The following CISH variants were observed in gnomAD, a reference collection of about 807,000 sequenced individuals.
CISH encodes the protein cytokine inducible SH2 containing protein.
CISH carries 11 observed loss-of-function variants against 21.3 expected under a neutral mutation model. The ratio of observed to expected loss-of-function variants is 0.52; its 90% CI spans 0.32 to 0.85. The LOEUF (loss-of-function observed/expected upper bound fraction) is 0.85. Ranked by LOEUF, CISH falls within the 40% of genes least tolerant of loss-of-function variation. CISH has a pLI of 0.03. For synonymous variants in CISH, 118 were observed against 142.3 expected (o/e 0.83, Z 1.22); for missense variants, 280 against 351.7 (o/e 0.80, Z 1.63).
In CISH at chr3:50,607,542, C is replaced by T; in HGVS notation, c.*65G>A. 1.3e-6 allele frequency: 2 copies of T among 1,514,752 alleles called. No homozygotes were observed. The highest frequency in any genetic ancestry group is 2.5e-5 in the South Asian group (2 of 79,992). The allele number at this position is 1,514,752 out of a possible 1,614,324, so 93.8% of individuals were successfully genotyped here. ...GAGGAGGGACAGTGGGGGCCCAAGT[C>T]CAGCTGGGGCTGATGTCCCCTCCAG... On this transcript the variant is annotated 3_prime_UTR_variant, in exon 3 of 3. Transcript: ENST00000348721.
chr3:50,610,669 G>GAAAAA (rs2032297199), intron 1 of CISH: 2 of 1,404,428 alleles, frequency 1.4e-6, no homozygotes, highest in Non-Finnish European at 1.9e-6. Flanking sequence ...CAGCAAGGGA[G>GAAAAA]AAGTAGTCTT....
At chr3:50,609,552 G>A in intron 1 of CISH, 1 of 152,212 alleles carries the variant, frequency 6.6e-6, no homozygotes, top group East Asian at 1.9e-4. Flanking sequence ...CCTAGGGGAA[G>A]CCCACCCAGC....
chr3:50,610,177 G>C (rs1011245911), intron 1 of CISH: 2 of 619,526 alleles, frequency 3.2e-6, no homozygotes, highest in African/African-American at 1.8e-5. Context: ...CCTGCTTGCT[G>C]GGGCCCAGAG....
chr3:50,608,821 A>T, intron 1 of CISH: 1 of 432,506 alleles, frequency 2.3e-6, no homozygotes, highest in Non-Finnish European at 4.1e-6. Context: ...CTTTTGAAAG[A>T]TTCTTTTCCA....
At chr3:50,610,646 A>T in intron 1 of CISH, 1 of 1,425,580 alleles carries the variant, frequency 7.0e-7, no homozygotes, top group Non-Finnish European at 9.2e-7. Flanking sequence ...AGGAGGAAGG[A>T]ACTTGCTGGA....
At position 50,607,217 on chromosome 3, in the gene CISH, AG is replaced by A. The variant is rs2032176517; in HGVS notation, c.*389del. The A allele has an allele frequency of 4.3e-6, 1 of 229,926 alleles. No homozygotes were observed. The highest frequency in any genetic ancestry group is 2.2e-5 in the African/African-American group (1 of 45,058). The allele number at this position is 229,926 out of a possible 1,614,324, so 14.2% of individuals were successfully genotyped here. On this transcript the variant is annotated 3_prime_UTR_variant, in exon 3 of 3. Coordinates refer to ENST00000348721, the MANE Select transcript of CISH (RefSeq NM_145071.4). ...CTGCATGTCATCCTCCCAGAAACAG[AG>A]GCTGGCTGCCAGTAGGGGTCCTACC...
At chr3:50,608,771 AT>A in intron 1 of CISH, 178 bp from the exon 2 acceptor site, 1 of 433,330 alleles carries the variant, frequency 2.3e-6, no homozygotes, top group Non-Finnish European at 4.0e-6. Flanking sequence ...CCCACTTGTC[AT>A]CACAAAAGCC....
At position 50,608,539 on chromosome 3, in the gene CISH, C is replaced by CA; in HGVS notation, c.74_75insT (p.Ser26ValfsTer32). On this transcript the variant is annotated frameshift_variant, in exon 2 of 3. Transcript: ENST00000348721. LOFTEE classifies it high-confidence loss of function. ...TGACTGGCTTGGGCAGTTCCAGGGA[C>CA]GGGGCCCACAGGGGCCGCTGCCCAG... 9 of 1,598,550 alleles carry CA rather than the reference C, an allele frequency of 5.6e-6. No individual in the cohort carries two copies. The highest frequency in any genetic ancestry group is 7.7e-6 in the Non-Finnish European group (9 of 1,173,040).
chr3:50,607,385 A>G lies in CISH; in HGVS notation c.*222T>C, dbSNP rs2032184476. On this transcript the variant is annotated 3_prime_UTR_variant, in exon 3 of 3. Transcript: ENST00000348721. ...CTCCCCATCCTCTGACACATGGCTC[A>G]GTATAATGAAGCCACATGCGGCCTG... The G allele has an allele frequency of 1.7e-6, 1 of 577,826 alleles. No individual in the cohort carries two copies. The highest frequency in any genetic ancestry group is 2.9e-5 in the East Asian group (1 of 35,054). 35.8% of individuals were successfully genotyped at this position (577,826 alleles called of 1,614,324 possible).
Position 50,607,687 on chromosome 3 carries a change from G to A in CISH, c.697C>T (p.Arg233Cys), listed in dbSNP as rs371376746. The A allele has an allele frequency of 1.1e-5, 17 of 1,613,660 alleles. No individual in the cohort carries two copies. The highest frequency in any genetic ancestry group is 1.6e-4 in the Middle Eastern group (1 of 6,082). ...AGGCAGTCCACGTCGGCCACCAGAC[G>A]GTTGATGACAAGGCGGCACAGGTGT... ...LQHLCRLVIN[R>C]LVADVDCLPL... The change falls in exon 3 of 3, where the codon CGT (arginine) becomes TGT (cysteine). Residue 233 changes from arginine to cysteine, a missense_variant. Physicochemically the swap from Arg to Cys is radical, Grantham distance 180 (BLOSUM62 -3). Transcript: ENST00000348721.
chr3:50,610,360 GGTGA>G, intron 1 of CISH: 1 of 1,551,328 alleles, frequency 6.4e-7, no homozygotes. Flanking sequence ...ACAAGCTCCT[GGTGA>G]GTGTGTACCT....
intron 1 of CISH, chr3:50,610,547 A>G (rs2032293489): frequency 1.3e-6 from 2 of 1,532,130 alleles, no homozygotes; most frequent in Admixed American, 4.0e-5. Context: ...AAAAAGTGAA[A>G]GAGGCTATGG....
Position 50,606,813 on chromosome 3 carries a change from G to A in CISH, c.*794C>T, listed in dbSNP as rs1372523797. 1 of 152,332 alleles carries A rather than the reference G, an allele frequency of 6.6e-6. No individual in the cohort carries two copies. The highest frequency in any genetic ancestry group is 6.5e-5 in the Admixed American group (1 of 15,294). The allele number at this position is 152,332 out of a possible 1,614,324, so 9.4% of individuals were successfully genotyped here. A position where few individuals can be genotyped will look rare whatever the true frequency, so the allele number is the denominator to read the frequency against. ...ATACAGCTCTGTCCTGTGAGGGGGT[G>A]AGACACAGGCTCTGCTGGGGACTGA... On this transcript the variant is annotated 3_prime_UTR_variant, in exon 3 of 3. Transcript: ENST00000348721.
At chr3:50,611,592 C>G (rs1352361549) in intron 1 of CISH, 39 bp downstream of exon 1, 2 of 1,522,812 alleles carry the variant, frequency 1.3e-6, no homozygotes, top group East Asian at 5.5e-5. Flanking sequence ...CCGTGCGCCC[C>G]TCGTGGTGGC....
chr3:50,610,969 C>T (rs2032307194), intron 1 of CISH: 2 of 992,994 alleles, frequency 2.0e-6, no homozygotes, highest in African/African-American at 1.7e-5. Flanking sequence ...CTGTCCCTTA[C>T]CTCAAGTCTG....
At chr3:50,610,601 G>C in intron 1 of CISH, 1 of 1,471,840 alleles carries the variant, frequency 6.8e-7, no homozygotes, top group Non-Finnish European at 9.0e-7. Flanking sequence ...GAAGGCAGTG[G>C]TGGGGCAGGT....
In CISH at chr3:50,607,617, A is replaced by C. The variant is rs768974999; in HGVS notation, c.767T>G (p.Phe256Cys). Residue 256 changes from phenylalanine (F) to cysteine (C), a missense_variant, in exon 3 of 3, where the codon TTC becomes TGC. By Grantham distance (205) the Phe-to-Cys change is radical (BLOSUM62 -2). Transcript: ENST00000348721. ...RMADYLRQYP[F>C]QL is the part of the protein sequence containing the mutation. Reference sequence around the variant, plus strand: ...GATTGCCCCGTACAGTCAGAGCTGGAAGGGGTACTGTCGGAGGTAGTCGGC... The same window carrying C: ...GATTGCCCCGTACAGTCAGAGCTGGCAGGGGTACTGTCGGAGGTAGTCGGC... 28 of 1,611,646 alleles carry C rather than the reference A, an allele frequency of 1.7e-5. No homozygotes were observed. The highest frequency in any genetic ancestry group is 5.9e-6 in the Non-Finnish European group (7 of 1,179,010).
intron 1 of CISH, chr3:50,610,696 C>T (rs1261781247): frequency 5.2e-6 from 7 of 1,355,442 alleles, no homozygotes; most frequent in South Asian, 1.6e-5. Context: ...ACCTCCATGT[C>T]CTCTTCCTTG....
intron 1 of CISH, chr3:50,610,995 A>T (rs2032307867): frequency 3.0e-6 from 3 of 991,604 alleles, no homozygotes; most frequent in Non-Finnish European, 3.6e-6. Context: ...TTTGAAGATG[A>T]GAGGCAGGAG....
Sources: allele counts gnomAD v4.1 joint callset, GRCh38; gene constraint gnomAD v4.1.1; transcripts MANE v1.5; gene names NCBI Gene and HGNC (gene_info 2026-07-23, HGNC 2026-07-21).